The following PTPRK variants were observed in gnomAD, a reference collection of about 807,000 sequenced individuals.
The protein encoded by PTPRK is receptor-type tyrosine-protein phosphatase kappa.
Under a neutral mutation model 178.0 loss-of-function variants are expected in PTPRK, and 75 were observed. The ratio of observed to expected loss-of-function variants is 0.42; its 90% CI spans 0.35 to 0.51. The LOEUF is 0.51. PTPRK is among the 20% of genes least tolerant of loss of function. The pLI, the probability that PTPRK is intolerant of heterozygous loss-of-function variation, is 0.02. For synonymous variants in PTPRK, 637 were observed against 620.6 expected (o/e 1.03, Z -0.39); for missense variants, 1,441 against 1,797.8 (o/e 0.80, Z 3.59).
intron 3 of PTPRK, among the ~76,000 whole-genome samples, chr6:128,308,880 G>C (rs1033203584): frequency 1.3e-5 from 2 of 152,168 alleles, no homozygotes; most frequent in Admixed American, 1.3e-4. Context: ...TATTTGCAAA[G>C]AGACAGGTAG....
intron 2 of PTPRK, among the ~76,000 whole-genome samples, chr6:128,356,528 C>T (rs796105524): frequency 1.5e-4 from 23 of 152,176 alleles, no homozygotes; most frequent in African/African-American, 5.3e-4. Context: ...TTCTTGAAAC[C>T]CTCCCCCATG....
chr6:128,429,858 C>T (rs1263197811), intron 1 of PTPRK, among the ~76,000 whole-genome samples: 1 of 152,050 alleles, frequency 6.6e-6, no homozygotes, highest in African/African-American at 2.4e-5. Flanking sequence ...GAACATCAAC[C>T]ATAATGAGAT....
chr6:128,264,198 T>C (rs992337085), intron 3 of PTPRK, among the ~76,000 whole-genome samples: 1 of 152,094 alleles, frequency 6.6e-6, no homozygotes, highest in African/African-American at 2.4e-5. Context: ...TGTTCCAAAC[T>C]CAGGAGTGAT....
intron 11 of PTPRK, among the ~76,000 whole-genome samples, chr6:128,077,942 C>T (rs906691862): frequency 2.6e-5 from 4 of 151,898 alleles, no homozygotes; most frequent in East Asian, 1.9e-4. Context: ...AGGAACAATT[C>T]GGGAATTAAA....
At chr6:128,297,770 G>A (rs1447151960) in intron 3 of PTPRK, among the ~76,000 whole-genome samples, 8 of 152,142 alleles carry the variant, frequency 5.3e-5, no homozygotes, top group Non-Finnish European at 1.0e-4. Context: ...ACAAGAGAAA[G>A]CAGGAAAGAT....
chr6:128,045,733 G>C (rs1177191586), intron 13 of PTPRK, among the ~76,000 whole-genome samples: 2 of 151,932 alleles, frequency 1.3e-5, no homozygotes, highest in Non-Finnish European at 1.5e-5. Flanking sequence ...ATTCCAAAGA[G>C]ATTAATACAT....
At chr6:128,228,410 G>T (rs971951587) in intron 5 of PTPRK, among the ~76,000 whole-genome samples, 2 of 151,356 alleles carry the variant, frequency 1.3e-5, no homozygotes, top group African/African-American at 4.8e-5. Context: ...ACTTTGGGAG[G>T]CCGAGGCAGG....
At chr6:128,453,457 C>T (rs1249342262) in intron 1 of PTPRK, among the ~76,000 whole-genome samples, 1 of 152,064 alleles carries the variant, frequency 6.6e-6, no homozygotes, top group Non-Finnish European at 1.5e-5. Flanking sequence ...AATAAGCTAA[C>T]GATTGTAAAG....
intron 3 of PTPRK, among the ~76,000 whole-genome samples, chr6:128,285,257 G>GT (rs1822287767): frequency 6.6e-6 from 1 of 152,236 alleles, no homozygotes. Flanking sequence ...GCTTGCGCCT[G>GT]TAATTCCAGC....
intron 7 of PTPRK, among the ~76,000 whole-genome samples, chr6:128,140,581 A>C (rs1795636294): frequency 2.6e-5 from 4 of 151,944 alleles, no homozygotes; most frequent in Admixed American, 1.3e-4. Flanking sequence ...TTTATAGAAA[A>C]ATTTTTTTTC....
intron 7 of PTPRK, among the ~76,000 whole-genome samples, chr6:128,169,773 TA>T (rs1165764570): frequency 3.8e-5 from 5 of 130,304 alleles, no homozygotes; most frequent in African/African-American, 1.5e-4. Flanking sequence ...TTAAATATGT[TA>T]TTTTTTTAAT....
chr6:127,974,913 T>C (rs1325061642), intron 27 of PTPRK, among the ~76,000 whole-genome samples: 3 of 152,098 alleles, frequency 2.0e-5, no homozygotes, highest in Non-Finnish European at 4.4e-5. Flanking sequence ...AACCTTGAAA[T>C]AAAAATATCA....
chr6:128,374,138 T>G (rs1836684989), intron 2 of PTPRK, among the ~76,000 whole-genome samples: 1 of 152,160 alleles, frequency 6.6e-6, no homozygotes, highest in Non-Finnish European at 1.5e-5. Context: ...TTCTCAGAAT[T>G]TATTGATATA....
chr6:127,972,533 C>A (rs1774047629), intron 29 of PTPRK, among the ~76,000 whole-genome samples: 1 of 152,184 alleles, frequency 6.6e-6, no homozygotes, highest in South Asian at 2.1e-4. Flanking sequence ...CTGCCCTCTA[C>A]AGTTGGTAAA....
chr6:128,368,841 G>C (rs1289206091), intron 2 of PTPRK, among the ~76,000 whole-genome samples: 1 of 151,834 alleles, frequency 6.6e-6, no homozygotes, highest in Non-Finnish European at 1.5e-5. Context: ...CTACAATAAT[G>C]GTCTTTAAAA....
intron 21 of PTPRK, among the ~76,000 whole-genome samples, chr6:127,988,529 C>T (rs1352119348): frequency 6.6e-6 from 1 of 151,486 alleles, no homozygotes; most frequent in Non-Finnish European, 1.5e-5. Context: ...ATGATAATAA[C>T]AATCATCCTA....
intron 21 of PTPRK, 149 bp from the exon 22 acceptor site, chr6:127,986,024 A>G (rs1775938259): frequency 2.9e-6 from 2 of 688,638 alleles, no homozygotes; most frequent in African/African-American, 1.8e-5. Context: ...AAAAAAATAT[A>G]ATAAAATGAA....
chr6:127,995,965 G>A (rs1777103329), intron 17 of PTPRK, among the ~76,000 whole-genome samples: 1 of 152,070 alleles, frequency 6.6e-6, no homozygotes, highest in Non-Finnish European at 1.5e-5. Flanking sequence ...CTTACTCCCT[G>A]AGAATCAAGG....
chr6:128,329,337 G>C (rs987436678), intron 2 of PTPRK, among the ~76,000 whole-genome samples: 1 of 150,742 alleles, frequency 6.6e-6, no homozygotes, highest in Admixed American at 6.6e-5. Context: ...CTAGTACGAA[G>C]GATATATTAG....
Sources: allele counts gnomAD v4.1 joint callset (sites outside exome capture counted in the v4.1 genomes callset), GRCh38; gene constraint gnomAD v4.1.1; transcripts MANE v1.5; gene names NCBI Gene and HGNC (gene_info 2026-07-23, HGNC 2026-07-21).